The following CCDC102B variants were observed in gnomAD, a reference collection of about 807,000 sequenced individuals.
CCDC102B encodes the protein coiled-coil domain containing 102B, also known as coiled-coil domain-containing protein 102B.
In CCDC102B, 75 loss-of-function variants were observed where a neutral mutation model predicts 57.4. The ratio of observed to expected loss-of-function variants is 1.31; its 90% CI spans 1.08 to 1.58. CCDC102B has a LOEUF of 1.58. Among genes scored for constraint, CCDC102B ranks in the 40% most tolerant of loss-of-function variants. The pLI, the probability that CCDC102B is intolerant of heterozygous loss-of-function variation, is 0.00. For synonymous variants in CCDC102B, 206 were observed against 201.9 expected (o/e 1.02, Z -0.17); for missense variants, 636 against 582.6 (o/e 1.09, Z -0.94).
At position 68,890,077 on chromosome 18, in the gene CCDC102B, T is replaced by C. The variant is rs28684878; in HGVS notation, c.1054-7142T>C. 4.5e-3 allele frequency among the ~76,000 whole-genome samples: 684 copies of C among 152,312 alleles called. 3 individuals are homozygous for C. The highest frequency in any genetic ancestry group is 0.016 in the African/African-American group (657 of 41,562). On this transcript the variant is annotated intron_variant, in intron 5 of 7. Coordinates refer to ENST00000360242, the MANE Select transcript of CCDC102B (RefSeq NM_024781.3). ...GCAGTGTAATTGCTTCCATATCCTT[T>C]CAGTGGACAGGGATAGAACCAGTCA...
intron 1 of CCDC102B, among the ~76,000 whole-genome samples, chr18:68,810,440 A>G (rs750737062): frequency 6.6e-6 from 1 of 152,212 alleles, no homozygotes; most frequent in Non-Finnish European, 1.5e-5. Context: ...AACCCAATGT[A>G]TTAGTTTACA....
chr18:68,760,659 TG>T (rs2034224977), intron 2 of CCDC102B, among the ~76,000 whole-genome samples: 1 of 152,032 alleles, frequency 6.6e-6, no homozygotes, highest in Non-Finnish European at 1.5e-5. Flanking sequence ...AGCAAATGCG[TG>T]GTGCTATGGG....
intron 1 of CCDC102B, among the ~76,000 whole-genome samples, chr18:68,831,033 C>A (rs896894756): frequency 1.3e-5 from 2 of 151,918 alleles, no homozygotes; most frequent in African/African-American, 4.8e-5. Context: ...ACACTGGTCA[C>A]TTTTTTTCTC....
rs1321419193 is a variant in CCDC102B at position 69,029,880 on chromosome 18, A to T, written c.1434+18776A>T. The stretch of plus-strand genomic sequence containing the variant: ...TCACTTCAGTTTCCATATTTATGAA[A>T]TTGGGATTCTGTTTTAAGGCATGTG... On this transcript the variant is annotated intron_variant, in intron 7 of 7. Transcript: ENST00000360242. Among the ~76,000 whole-genome samples, 6 of 152,290 alleles carry T rather than the reference A, an allele frequency of 3.9e-5. No homozygotes were observed. The South Asian group carries it at 6.2e-4, about 16-fold the overall frequency.
At chr18:68,746,289 G>A (rs1054721355) in intron 2 of CCDC102B, among the ~76,000 whole-genome samples, 1 of 152,138 alleles carries the variant, frequency 6.6e-6, no homozygotes, top group Non-Finnish European at 1.5e-5. Context: ...TATCCATCAC[G>A]TGACAAGGTG....
intron 6 of CCDC102B, among the ~76,000 whole-genome samples, chr18:68,987,796 A>G (rs1038525767): frequency 4.6e-5 from 7 of 152,334 alleles, no homozygotes; most frequent in Admixed American, 2.0e-4. Context: ...CATGAAAAAA[A>G]TGCTCCTAAT....
At chr18:68,954,565 T>C (rs1196396553) in intron 6 of CCDC102B, among the ~76,000 whole-genome samples, 2 of 152,234 alleles carry the variant, frequency 1.3e-5, no homozygotes, top group Non-Finnish European at 2.9e-5. Flanking sequence ...AATAATTGAA[T>C]GGATATAAAA....
chr18:68,915,740 G>A (rs1368482534), intron 6 of CCDC102B, among the ~76,000 whole-genome samples: 5 of 152,098 alleles, frequency 3.3e-5, no homozygotes, highest in East Asian at 1.9e-4. Context: ...CATTATTTCC[G>A]ATAAGATGTG....
At chr18:68,775,968 A>C (rs1341768406) in intron 2 of CCDC102B, among the ~76,000 whole-genome samples, 2 of 152,034 alleles carry the variant, frequency 1.3e-5, no homozygotes, top group Non-Finnish European at 2.9e-5. Flanking sequence ...TTCTTTATTA[A>C]TTCATGATAT....
chr18:68,905,018 T>C (rs968703841), intron 6 of CCDC102B, among the ~76,000 whole-genome samples: 1 of 152,012 alleles, frequency 6.6e-6, no homozygotes, highest in African/African-American at 2.4e-5. Flanking sequence ...TATTACTATT[T>C]GAATTTAATT....
chr18:68,977,863 T>C (rs974541868), intron 6 of CCDC102B, among the ~76,000 whole-genome samples: 1 of 152,008 alleles, frequency 6.6e-6, no homozygotes, highest in Non-Finnish European at 1.5e-5. Flanking sequence ...TTGTAGTCTA[T>C]TAATCTTTGT....
intron 7 of CCDC102B, among the ~76,000 whole-genome samples, chr18:69,051,987 G>A (rs1257856236): frequency 6.6e-6 from 1 of 151,458 alleles, no homozygotes; most frequent in Non-Finnish European, 1.5e-5. Context: ...CCCAACTGTA[G>A]GAGAAAATAT....
chr18:68,828,483 A>G (rs983451617), intron 1 of CCDC102B, among the ~76,000 whole-genome samples: 8 of 151,768 alleles, frequency 5.3e-5, no homozygotes, highest in African/African-American at 1.9e-4. Flanking sequence ...ACATGTCTAA[A>G]TAATTCATGG....
At chr18:68,777,206 A>G (rs533880969) in intron 2 of CCDC102B, among the ~76,000 whole-genome samples, 4 of 152,318 alleles carry the variant, frequency 2.6e-5, no homozygotes, top group African/African-American at 4.8e-5. Context: ...TCTCCCTTCA[A>G]CACTCAATAC....
intron 2 of CCDC102B, among the ~76,000 whole-genome samples, chr18:68,724,539 C>A (rs865833292): frequency 3.0e-4 from 46 of 152,278 alleles, no homozygotes; most frequent in African/African-American, 1.0e-3. Context: ...AGCGCAGGGG[C>A]AAAATGCTGC....
At chr18:68,914,705 C>T (rs1464127220) in intron 6 of CCDC102B, among the ~76,000 whole-genome samples, 1 of 152,100 alleles carries the variant, frequency 6.6e-6, no homozygotes, top group African/African-American at 2.4e-5. Flanking sequence ...ATAATTGTCT[C>T]GTTTTTATGA....
intron 6 of CCDC102B, among the ~76,000 whole-genome samples, chr18:68,956,342 A>ATATATATAAAATATAATG (rs1354604251): frequency 2.3e-5 from 1 of 44,234 alleles, no homozygotes; most frequent in Admixed American, 3.1e-4. Context: ...TATATATAAT[A>ATATATATAAAATATAATG]TATATATTAA....
intron 7 of CCDC102B, among the ~76,000 whole-genome samples, chr18:69,018,659 G>T (rs1041652341): frequency 2.0e-5 from 3 of 152,016 alleles, no homozygotes; most frequent in Non-Finnish European, 4.4e-5. Flanking sequence ...ATTTTAAAAT[G>T]AATTTTAATA....
chr18:68,958,915 T>A (rs2049976619), intron 6 of CCDC102B, among the ~76,000 whole-genome samples: 1 of 152,176 alleles, frequency 6.6e-6, no homozygotes, highest in African/African-American at 2.4e-5. Flanking sequence ...CTGTGTTATA[T>A]TTTATTTTTG....
Sources: gnomAD v4.1 joint callset for allele counts (sites outside exome capture counted in the v4.1 genomes callset) on GRCh38, gnomAD v4.1.1 for gene constraint, MANE v1.5 for transcripts, NCBI Gene and HGNC (gene_info 2026-07-23, HGNC 2026-07-21) for gene names.